The following CMSS1 variants were observed in gnomAD, a reference collection of about 807,000 sequenced individuals.
CMSS1 encodes protein CMSS1.
CMSS1 carries 33 observed loss-of-function variants against 43.5 expected under a neutral mutation model. The observed-to-expected ratio is 0.76, with a 90% CI of 0.57 to 1.01. The LOEUF is 1.01. CMSS1 is among the 50% of genes least tolerant of loss of function. The pLI, the probability that CMSS1 is intolerant of heterozygous loss-of-function variation, is 0.00. For missense variants in CMSS1, 313 were observed against 326.4 expected, an observed-to-expected ratio of 0.96 and a Z score of 0.32; for synonymous variants, 115 against 117.2, an observed-to-expected ratio of 0.98 and a Z score of 0.12.
At chr3:99,902,957 C>G (rs896131384) in intron 1 of CMSS1, among the ~76,000 whole-genome samples, 2 of 152,158 alleles carry the variant, frequency 1.3e-5, no homozygotes, top group African/African-American at 4.8e-5. Context: ...GACAAATACT[C>G]CTGTTCACCT....
intron 1 of CMSS1, among the ~76,000 whole-genome samples, chr3:99,948,627 A>AAGG (rs1310436327): frequency 6.9e-6 from 1 of 144,080 alleles, no homozygotes; most frequent in Non-Finnish European, 1.5e-5. Flanking sequence ...GAGAGAGAGG[A>AAGG]AGGAGGAGGA....
At chr3:100,079,887 G>A (rs2107400111) in intron 1 of CMSS1, among the ~76,000 whole-genome samples, 1 of 152,048 alleles carries the variant, frequency 6.6e-6, no homozygotes, top group South Asian at 2.1e-4. Context: ...CATAGATGTT[G>A]GGATTTTTTC....
intron 1 of CMSS1, among the ~76,000 whole-genome samples, chr3:99,947,473 AC>A (rs1251588101): frequency 2.6e-5 from 4 of 151,982 alleles, no homozygotes; most frequent in African/African-American, 9.7e-5. Context: ...CACCCCCTTC[AC>A]CTTAGTGGCC....
intron 1 of CMSS1, among the ~76,000 whole-genome samples, chr3:99,860,897 C>T (rs1490688300): frequency 6.6e-6 from 1 of 152,102 alleles, no homozygotes; most frequent in East Asian, 1.9e-4. Flanking sequence ...TTGTGCCTCT[C>T]CTATCACTCT....
intron 1 of CMSS1, among the ~76,000 whole-genome samples, chr3:99,911,478 G>A (rs1025110887): frequency 2.6e-5 from 4 of 151,998 alleles, no homozygotes; most frequent in East Asian, 3.9e-4. Context: ...TCTGCATGAC[G>A]AATGTCTCAT....
At chr3:100,064,974 A>G (rs547714164) in intron 1 of CMSS1, among the ~76,000 whole-genome samples, 1 of 152,340 alleles carries the variant, frequency 6.6e-6, no homozygotes, top group Admixed American at 6.5e-5. Context: ...AAACACACAC[A>G]TACACATGTG....
Position 99,866,272 on chromosome 3 carries a change from G to T in CMSS1, c.64+48229G>T, listed in dbSNP as rs542276124. ...AAAAGCCAAAGCAGGGGCCAGTCAC[G>T]TACCAGAATGGATAAGTTCACTGGT... On this transcript the variant is annotated intron_variant, in intron 1 of 9. Transcript: ENST00000421999. Among the ~76,000 whole-genome samples the T allele has an allele frequency of 3.3e-5, 5 of 152,026 alleles. No individual in the cohort carries two copies. The South Asian group carries it at 1.0e-3, about 32-fold the overall frequency.
chr3:100,119,989 G>A (rs908147278), intron 1 of CMSS1, among the ~76,000 whole-genome samples: 1 of 152,186 alleles, frequency 6.6e-6, no homozygotes, highest in South Asian at 2.1e-4. Context: ...TATAGGCAGT[G>A]TTTAAGTATT....
chr3:100,086,994 A>T (rs865977829), intron 1 of CMSS1, among the ~76,000 whole-genome samples: 1 of 152,220 alleles, frequency 6.6e-6, no homozygotes, highest in Non-Finnish European at 1.5e-5. Flanking sequence ...AGCAGAATGT[A>T]CTTGAGATAC....
At chr3:99,909,269 G>A (rs1295144803) in intron 1 of CMSS1, among the ~76,000 whole-genome samples, 3 of 152,156 alleles carry the variant, frequency 2.0e-5, no homozygotes. Context: ...ATGGAGCAGA[G>A]GTACTCTGAG....
At chr3:100,141,747 C>T (rs1559769722) in intron 1 of CMSS1, 3 of 346,728 alleles carry the variant, frequency 8.7e-6, no homozygotes, top group Non-Finnish European at 1.1e-5. Flanking sequence ...ATAACTTAAC[C>T]AATCCCATCT....
At chr3:100,026,700 A>G (rs1193471680) in intron 1 of CMSS1, among the ~76,000 whole-genome samples, 1 of 152,180 alleles carries the variant, frequency 6.6e-6, no homozygotes, top group Non-Finnish European at 1.5e-5. Flanking sequence ...AAATATATTC[A>G]GAATCTGATC....
chr3:100,181,117 A>C lies in CMSS1; in HGVS notation c.*2729A>C, dbSNP rs551696137. 1.3e-5 allele frequency: 2 copies of C among 152,244 alleles called. No individual in the cohort carries two copies. The highest frequency in any genetic ancestry group is 3.8e-4 in the East Asian group (2 of 5,200). The allele number at this position is 152,244 out of a possible 1,614,324, so 9.4% of individuals were successfully genotyped here. A position where few individuals can be genotyped will look rare whatever the true frequency, so the allele number is the denominator to read the frequency against. ...AGGGGGAAATCTGCCCCCATGATCTAATCACCTCCCACCAGATCCCTCCCC... is the reference window on the plus strand; with the variant it reads ...AGGGGGAAATCTGCCCCCATGATCTCATCACCTCCCACCAGATCCCTCCCC... On this transcript the variant is annotated 3_prime_UTR_variant, in exon 10 of 10. Transcript: ENST00000421999.
rs147596089 is a variant in CMSS1 at position 99,835,525 on chromosome 3, G to A, written c.64+17482G>A. Among the ~76,000 whole-genome samples the A allele has an allele frequency of 6.7e-3, 1,027 of 152,322 alleles. 3 individuals carry two copies. Among genetic ancestry groups the A allele is most frequent in the African/African-American group, 8.5e-3 (355 of 41,566 alleles). On this transcript the variant is annotated intron_variant, in intron 1 of 9. Transcript: ENST00000421999. ...ATGAGCACTATTTAAGTCCTGGGTA[G>A]AATAGGACCATGGTTCTTAAATTTT...
intron 1 of CMSS1, among the ~76,000 whole-genome samples, chr3:99,896,245 A>G (rs1454512496): frequency 2.0e-5 from 3 of 152,218 alleles, no homozygotes; most frequent in African/African-American, 2.4e-5. Flanking sequence ...GTGGCAACAT[A>G]TGTTTGAAAC....
chr3:99,877,473 A>G (rs759722536), intron 1 of CMSS1, among the ~76,000 whole-genome samples: 1 of 152,166 alleles, frequency 6.6e-6, no homozygotes, highest in Non-Finnish European at 1.5e-5. Context: ...TTGGGAGTTC[A>G]CTTTATCATT....
chr3:99,925,550 C>A (rs1707264208), intron 1 of CMSS1, among the ~76,000 whole-genome samples: 1 of 151,834 alleles, frequency 6.6e-6, no homozygotes, highest in Non-Finnish European at 1.5e-5. Context: ...TTATTGTGAG[C>A]AGCATGTGGG....
intron 3 of CMSS1, among the ~76,000 whole-genome samples, chr3:100,161,798 C>T (rs2067025844): frequency 6.6e-6 from 1 of 152,118 alleles, no homozygotes; most frequent in South Asian, 2.1e-4. Context: ...TTATCCAAGA[C>T]CTGAGAATCG....
Position 99,889,995 on chromosome 3 carries a change from CT to C in CMSS1, c.64+71956del, listed in dbSNP as rs549336114. On this transcript the variant is annotated intron_variant, in intron 1 of 9. Transcript: ENST00000421999. ...ACACTTTCTTCGCCTCTTATTTCTT[CT>C]TTTATTCCAGACTTCTCTCTGGGAC... is the stretch of plus-strand genomic sequence containing the variant. Among the ~76,000 whole-genome samples, 1,376 of 152,072 alleles carry C rather than the reference CT, an allele frequency of 9.0e-3. 24 individuals carry two copies. Among genetic ancestry groups the C allele is most frequent in the African/African-American group, 0.031 (1,307 of 41,512 alleles).
Sources: gnomAD v4.1 joint callset for allele counts (sites outside exome capture counted in the v4.1 genomes callset) on GRCh38, gnomAD v4.1.1 for gene constraint, MANE v1.5 for transcripts, NCBI Gene and HGNC (gene_info 2026-07-23, HGNC 2026-07-21) for gene names.